SSU72: variants seen among roughly 807,000 people sequenced by gnomAD.
The protein encoded by SSU72 is RNA polymerase II subunit A C-terminal domain phosphatase SSU72.
Under a neutral mutation model 22.7 loss-of-function variants are expected in SSU72, and 12 were observed. That is an observed-to-expected ratio of 0.53 (90% CI 0.34 to 0.86). SSU72 has a LOEUF of 0.86. Among genes scored for constraint, SSU72 ranks in the 40% least tolerant of loss-of-function variants. The pLI, the probability that SSU72 is intolerant of heterozygous loss-of-function variation, is 0.02. For synonymous variants in SSU72, 116 were observed against 98.3 expected (o/e 1.18, Z -1.06); for missense variants, 151 against 249.8 (o/e 0.60, Z 2.67).
In SSU72 at chr1:1,543,050, ACAGAGG is replaced by A. The variant is rs754419403; in HGVS notation, c.483+813_483+818del. Among the ~76,000 whole-genome samples, 387 of 151,328 alleles carry A rather than the reference ACAGAGG, an allele frequency of 2.6e-3. 1 individual carries two copies. Among genetic ancestry groups the A allele is most frequent in the African/African-American group, 7.9e-3 (320 of 40,658 alleles). On this transcript the variant is annotated intron_variant, in intron 4 of 4. Coordinates refer to ENST00000291386, the MANE Select transcript of SSU72 (RefSeq NM_014188.3). ...GTCTTTCACAGACATTCATCAAATC[ACAGAGG>A]CAGAGGCAGAGGCAGAGGCGGGACG...
In SSU72 at chr1:1,558,493, G is replaced by A. The variant is rs537186767; in HGVS notation, c.224+6280C>T. Among the ~76,000 whole-genome samples the A allele has an allele frequency of 5.3e-5, 8 of 152,306 alleles. No individual in the cohort carries two copies. In the South Asian group the frequency reaches 6.2e-4, roughly 12 times the overall value. On this transcript the variant is annotated intron_variant, in intron 2 of 4. Coordinates refer to ENST00000291386, the MANE Select transcript of SSU72 (RefSeq NM_014188.3). Reference sequence around the variant, plus strand: ...ACACAGGCTTGGTCTCCAGCTGCACGGCCAGACGAGACCCAGGAAAGTGTC... The same window carrying A: ...ACACAGGCTTGGTCTCCAGCTGCACAGCCAGACGAGACCCAGGAAAGTGTC...
Position 1,543,982 on chromosome 1 carries a change from T to A in SSU72, c.370A>T (p.Asn124Tyr), listed in dbSNP as rs1433195049. The change falls in exon 4 of 5, where the codon AAT becomes TAT. Residue 124 changes from asparagine (N) to tyrosine (Y), a missense_variant. Transcript: ENST00000291386. The stretch of plus-strand genomic sequence containing the variant: ...TGGCAGGTCTCCTGTTCTCTGGAAT[T>A]CAGATCTGATTGGGACAAGGTGACA... ...RVYDQVVEDL[N>Y]SREQETCQPV... is the part of the protein sequence containing the mutation. 1 of 1,612,536 alleles carries A rather than the reference T, an allele frequency of 6.2e-7. No individual in the cohort carries two copies. The highest frequency in any genetic ancestry group is 8.5e-7 in the Non-Finnish European group (1 of 1,179,084).
intron 2 of SSU72, among the ~76,000 whole-genome samples, chr1:1,560,682 A>T (rs1642577965): frequency 6.6e-6 from 1 of 152,194 alleles, no homozygotes; most frequent in Non-Finnish European, 1.5e-5. Context: ...AAAGTCAAGG[A>T]GATTTTGTAT....
At chr1:1,568,335 G>A (rs1018340135) in intron 1 of SSU72, among the ~76,000 whole-genome samples, 1 of 152,142 alleles carries the variant, frequency 6.6e-6, no homozygotes, top group African/African-American at 2.4e-5. Context: ...CAGAGGGCTT[G>A]TAATCCCAGC....
intron 2 of SSU72, 42 bp downstream of exon 2, chr1:1,564,731 G>T: frequency 6.2e-7 from 1 of 1,614,226 alleles, no homozygotes; most frequent in Non-Finnish European, 8.5e-7. Context: ...CTTCCAGGGA[G>T]GACCACACGG....
At chr1:1,550,965 G>A (rs1642448940) in intron 2 of SSU72, among the ~76,000 whole-genome samples, 2 of 152,024 alleles carry the variant, frequency 1.3e-5, no homozygotes, top group Non-Finnish European at 2.9e-5. Flanking sequence ...TTTCTGCTGT[G>A]GACACATCCA....
intron 1 of SSU72, among the ~76,000 whole-genome samples, chr1:1,573,017 G>T (rs953850187): frequency 6.6e-6 from 1 of 151,870 alleles, no homozygotes; most frequent in Admixed American, 6.6e-5. Context: ...GGCCGGATGC[G>T]GTGGCTGACG....
At position 1,549,356 on chromosome 1, in the gene SSU72, CT is replaced by C. The variant is rs968438858; in HGVS notation, c.225-4355del. Among the ~76,000 whole-genome samples the C allele has an allele frequency of 1.2e-4, 18 of 151,622 alleles. No individual in the cohort carries two copies. In the East Asian group the frequency reaches 2.2e-3, roughly 18 times the overall value. ...CTACCACAGGGAAACCCTGTCTCTA[CT>C]AAAAACACAAAAAATTAGCCAGGCG... On this transcript the variant is annotated intron_variant, in intron 2 of 4. Coordinates refer to ENST00000291386, the MANE Select transcript of SSU72 (RefSeq NM_014188.3).
chr1:1,574,658 G>A lies in SSU72; in HGVS notation c.-101C>T. 2 of 923,190 alleles carry A rather than the reference G, an allele frequency of 2.2e-6. No homozygotes were observed. The highest frequency in any genetic ancestry group is 1.4e-6 in the Non-Finnish European group (1 of 716,808). The allele number at this position is 923,190 out of a possible 1,614,324, so 57.2% of individuals were successfully genotyped here. On this transcript the variant is annotated 5_prime_UTR_variant, in exon 1 of 5. Coordinates refer to ENST00000291386, the MANE Select transcript of SSU72 (RefSeq NM_014188.3). ...GCGGCCGCGGTGGCCGGAAGCGGGCGACGCGAAACGACGGCGCCGGCGGTG... is the reference window on the plus strand; with the variant it reads ...GCGGCCGCGGTGGCCGGAAGCGGGCAACGCGAAACGACGGCGCCGGCGGTG...
chr1:1,572,603 C>A (rs952535186), intron 1 of SSU72, among the ~76,000 whole-genome samples: 2 of 150,070 alleles, frequency 1.3e-5, no homozygotes, highest in African/African-American at 4.9e-5. Flanking sequence ...ACTGCAGGCG[C>A]CCGCCACCAC....
chr1:1,554,375 A>G lies in SSU72; in HGVS notation c.225-9373T>C, dbSNP rs1399411566. Among the ~76,000 whole-genome samples, 3 of 152,042 alleles carry G rather than the reference A, an allele frequency of 2.0e-5. No homozygotes were observed. On this transcript the variant is annotated intron_variant, in intron 2 of 4. Transcript: ENST00000291386. The surrounding 1 kb of genome is among the most constrained non-coding windows in gnomAD (Gnocchi z 4.1). ...GGGGGTCCCCACGAAGCTGAGCATG[A>G]GGCGGATCCGGCCCATTTGGGGGTC... is the stretch of plus-strand genomic sequence containing the variant.
At chr1:1,559,572 G>C (rs1455129985) in intron 2 of SSU72, among the ~76,000 whole-genome samples, 2 of 152,140 alleles carry the variant, frequency 1.3e-5, no homozygotes, top group Non-Finnish European at 2.9e-5. Context: ...CCCTGGTCCA[G>C]GTATATACAC....
intron 1 of SSU72, among the ~76,000 whole-genome samples, chr1:1,571,110 T>C (rs765927396): frequency 2.4e-4 from 36 of 151,942 alleles, no homozygotes; most frequent in Non-Finnish European, 5.0e-4. Flanking sequence ...CCGGGCGTGG[T>C]AGCGGGTGCC....
At position 1,541,991 on chromosome 1, in the gene SSU72, G is replaced by C; in HGVS notation, c.*75C>G. ...ACCGTCACCAGCAGAACACCTGTAA[G>C]TAAAAACAAATGTCAGGAAGGAAAA... On this transcript the variant is annotated 3_prime_UTR_variant, in exon 5 of 5. Transcript: ENST00000291386. The C allele has an allele frequency of 2.8e-6, 4 of 1,428,444 alleles. No homozygotes were observed. Among genetic ancestry groups the C allele is most frequent in the South Asian group, 2.5e-5 (2 of 81,092 alleles). The allele number at this position is 1,428,444 out of a possible 1,614,324, so 88.5% of individuals were successfully genotyped here.
chr1:1,544,156 T>C (rs1475649124), intron 3 of SSU72, among the ~76,000 whole-genome samples, 169 bp from the exon 4 acceptor site: 7 of 152,172 alleles, frequency 4.6e-5, no homozygotes, highest in African/African-American at 1.7e-4. Context: ...CGAAGGCGGC[T>C]GATGGTTCGA....
intron 1 of SSU72, among the ~76,000 whole-genome samples, chr1:1,573,674 A>G (rs549206349): frequency 1.3e-5 from 2 of 152,264 alleles, no homozygotes; most frequent in East Asian, 1.9e-4. Flanking sequence ...CAAGTTGCTC[A>G]GGAAAGTTAT....
At position 1,554,326 on chromosome 1, in the gene SSU72, G is replaced by A. The variant is rs142063993; in HGVS notation, c.225-9324C>T. On this transcript the variant is annotated intron_variant, in intron 2 of 4. Transcript: ENST00000291386. The surrounding 1 kb of genome is among the most constrained non-coding windows in gnomAD (Gnocchi z 4.1). The stretch of plus-strand genomic sequence containing the variant: ...CACTCGGGGGTCCCCACGAAGCTGA[G>A]CATGAGGCGGATCCGGACCACTCGG... 0.042 allele frequency among the ~76,000 whole-genome samples: 6,314 copies of A among 151,044 alleles called. 486 individuals are homozygous for A. Among genetic ancestry groups the A allele is most frequent in the East Asian group, 0.37 (1,785 of 4,840 alleles).
At chr1:1,565,016 A>G in intron 1 of SSU72, 100 bp from the exon 2 acceptor site, 1 of 1,440,958 alleles carries the variant, frequency 6.9e-7, no homozygotes, top group Non-Finnish European at 9.3e-7. Context: ...GAGTAATTTC[A>G]TTGGCTCATA....
rs761096205 is a variant in SSU72, at chr1:1,559,309, GGGA to G, written c.224+5461_224+5463del. Reference sequence around the variant, plus strand: ...AGCACGGGAAGCTGCTACAGGCACTGGGAGGAGAATGGGCAGCAGCAAACGGCC... The same window carrying G: ...AGCACGGGAAGCTGCTACAGGCACTGGGAGAATGGGCAGCAGCAAACGGCC... On this transcript the variant is annotated intron_variant, in intron 2 of 4. Coordinates refer to ENST00000291386, the MANE Select transcript of SSU72 (RefSeq NM_014188.3). 3.9e-5 allele frequency among the ~76,000 whole-genome samples: 6 copies of G among 152,222 alleles called. No homozygotes were observed. In the East Asian group the frequency reaches 7.7e-4, roughly 20 times the overall value.
Sources: allele counts gnomAD v4.1 joint callset (sites outside exome capture counted in the v4.1 genomes callset), GRCh38; gene constraint gnomAD v4.1.1; non-coding constraint Gnocchi (gnomAD v3.1); transcripts MANE v1.5; gene names NCBI Gene and HGNC (gene_info 2026-07-23, HGNC 2026-07-21).